The following LRBA variants were observed in gnomAD, a reference collection of about 807,000 sequenced individuals.
LRBA encodes lipopolysaccharide-responsive and beige-like anchor protein.
In LRBA, 176 loss-of-function variants were observed where a neutral mutation model predicts 330.0. The ratio of observed to expected loss-of-function variants is 0.53; its 90% confidence interval spans 0.47 to 0.60. The LOEUF (loss-of-function observed/expected upper bound fraction) is 0.60, where lower values mean the gene tolerates loss of function less well. Among genes scored for constraint, LRBA ranks in the 20% least tolerant of loss-of-function variants. LRBA has a pLI of 0.00. For synonymous variants in LRBA, 1,230 were observed against 1,193.0 expected (o/e 1.03, Z -0.64); for missense variants, 3,259 against 3,444.8 (o/e 0.95, Z 1.35).
At chr4:150,503,225 A>G (rs924704759) in intron 40 of LRBA, among the ~76,000 whole-genome samples, 1 of 152,186 alleles carries the variant, frequency 6.6e-6, no homozygotes, top group Non-Finnish European at 1.5e-5. Context: ...CAGCATGCAG[A>G]TTGAGATCTG....
intron 37 of LRBA, among the ~76,000 whole-genome samples, chr4:150,633,836 C>T (rs940991000): frequency 4.6e-5 from 7 of 152,246 alleles, no homozygotes; most frequent in Admixed American, 3.9e-4. Flanking sequence ...CTCTGCTGGT[C>T]GGATGCGGTG....
chr4:150,887,536 G>A (rs1247951015), intron 17 of LRBA, among the ~76,000 whole-genome samples: 1 of 152,048 alleles, frequency 6.6e-6, no homozygotes, highest in Non-Finnish European at 1.5e-5. Flanking sequence ...CACTTTGGGA[G>A]GCCGAGGCAG....
At chr4:150,798,485 A>G (rs568070663) in intron 33 of LRBA, among the ~76,000 whole-genome samples, 12 of 152,306 alleles carry the variant, frequency 7.9e-5, no homozygotes, top group Non-Finnish European at 1.3e-4. Context: ...TTATACATGC[A>G]GAGAAGGGAA....
intron 8 of LRBA, among the ~76,000 whole-genome samples, 173 bp downstream of exon 8, chr4:150,915,435 T>A (rs1185338461): frequency 6.6e-6 from 1 of 152,164 alleles, no homozygotes; most frequent in African/African-American, 2.4e-5. Flanking sequence ...TAACAAGGAC[T>A]AATATTTCAG....
chr4:150,333,708 T>G (rs547374124), intron 48 of LRBA, among the ~76,000 whole-genome samples: 1 of 152,186 alleles, frequency 6.6e-6, no homozygotes, highest in Non-Finnish European at 1.5e-5. Flanking sequence ...CAAAGTTTAC[T>G]GTCTAGCTGA....
intron 40 of LRBA, among the ~76,000 whole-genome samples, chr4:150,532,447 A>G (rs975075631): frequency 2.0e-5 from 3 of 152,058 alleles, no homozygotes; most frequent in Non-Finnish European, 4.4e-5. Context: ...TAAAACATTA[A>G]CTCATTTTAT....
intron 47 of LRBA, among the ~76,000 whole-genome samples, chr4:150,394,713 T>C (rs1744467100): frequency 6.6e-6 from 1 of 152,208 alleles, no homozygotes; most frequent in South Asian, 2.1e-4. Flanking sequence ...AGAATTTACA[T>C]GGCACAGGCT....
intron 40 of LRBA, among the ~76,000 whole-genome samples, chr4:150,540,874 C>T (rs1415254648): frequency 6.6e-6 from 1 of 152,066 alleles, no homozygotes; most frequent in African/African-American, 2.4e-5. Context: ...AAATTTTTAA[C>T]CATATAGATG....
chr4:150,822,998 C>T (rs904646411), intron 30 of LRBA, among the ~76,000 whole-genome samples: 2 of 152,148 alleles, frequency 1.3e-5, no homozygotes, highest in Admixed American at 1.3e-4. Flanking sequence ...CGGGAACCTC[C>T]AAACTGTTTC....
intron 35 of LRBA, among the ~76,000 whole-genome samples, chr4:150,749,493 T>C (rs1017611514): frequency 3.9e-5 from 6 of 152,046 alleles, no homozygotes; most frequent in African/African-American, 1.4e-4. Flanking sequence ...CAGTGACTCA[T>C]GCCTATAATT....
At chr4:150,854,896 C>T (rs775669429) in intron 22 of LRBA, among the ~76,000 whole-genome samples, 2 of 152,154 alleles carry the variant, frequency 1.3e-5, no homozygotes, top group African/African-American at 2.4e-5. Context: ...GTATTAAAGA[C>T]TGTATTTTAT....
intron 40 of LRBA, among the ~76,000 whole-genome samples, chr4:150,531,565 C>G (rs1764059333): frequency 6.6e-6 from 1 of 152,210 alleles, no homozygotes; most frequent in South Asian, 2.1e-4. Flanking sequence ...AGATTGTCCA[C>G]ATTTCTTCAC....
At chr4:150,375,110 C>T (rs1209309003) in intron 47 of LRBA, among the ~76,000 whole-genome samples, 3 of 152,090 alleles carry the variant, frequency 2.0e-5, no homozygotes, top group East Asian at 3.9e-4. Flanking sequence ...TACTGAAGCT[C>T]GTTGAGTGCT....
intron 40 of LRBA, among the ~76,000 whole-genome samples, chr4:150,558,146 G>A (rs1266989316): frequency 1.3e-5 from 2 of 152,046 alleles, no homozygotes; most frequent in Non-Finnish European, 2.9e-5. Flanking sequence ...TGATCCACCT[G>A]CCTTGGCCTC....
intron 37 of LRBA, among the ~76,000 whole-genome samples, chr4:150,622,937 T>A (rs368204933): frequency 6.6e-6 from 1 of 152,090 alleles, no homozygotes; most frequent in East Asian, 1.9e-4. Flanking sequence ...GACCTCGTGA[T>A]CCACCCGCCT....
intron 37 of LRBA, among the ~76,000 whole-genome samples, chr4:150,638,307 G>GT (rs1778135301): frequency 6.6e-6 from 1 of 152,158 alleles, no homozygotes; most frequent in African/African-American, 2.4e-5. Context: ...GATTACAGGC[G>GT]TAAGCCACCA....
At chr4:150,495,537 C>T (rs1759486347) in intron 40 of LRBA, among the ~76,000 whole-genome samples, 2 of 152,208 alleles carry the variant, frequency 1.3e-5, no homozygotes, top group South Asian at 2.1e-4. Flanking sequence ...CTAGCAATCT[C>T]TTAACTAAGG....
rs546514510 is a variant in LRBA at position 150,718,868 on chromosome 4, A to C, written c.5754+16390T>G. ...TATTCACACGGTCTTTAGAAATCTA[A>C]TAAAATTTGAACCAAATTCATAGAT... On this transcript the variant is annotated intron_variant, in intron 36 of 56. Coordinates refer to ENST00000651943, the MANE Select transcript of LRBA (RefSeq NM_001364905.1). 1.3e-4 allele frequency among the ~76,000 whole-genome samples: 20 copies of C among 152,212 alleles called. 1 individual carries two copies. The South Asian group carries it at 3.7e-3, about 28-fold the overall frequency.
Position 150,757,297 on chromosome 4 carries a change from G to A in LRBA, c.5645+4486C>T, listed in dbSNP as rs189109716. On this transcript the variant is annotated intron_variant, in intron 35 of 56. Transcript: ENST00000651943. ...AAATTTCACAGAGTAACATCTCATCGAGCAGCTGCCTTGATCATAGCTAGA... is the reference window on the plus strand; with the variant it reads ...AAATTTCACAGAGTAACATCTCATCAAGCAGCTGCCTTGATCATAGCTAGA... Among the ~76,000 whole-genome samples the A allele has an allele frequency of 1.4e-4, 22 of 152,196 alleles. No individual in the cohort carries two copies. In the East Asian group the frequency reaches 3.1e-3, roughly 21 times the overall value.
Sources: allele counts gnomAD v4.1 joint callset (sites outside exome capture counted in the v4.1 genomes callset), GRCh38; gene constraint gnomAD v4.1.1; transcripts MANE v1.5; gene names NCBI Gene and HGNC (gene_info 2026-07-23, HGNC 2026-07-21).